Variants in KMT2D observed in about 807,000 individuals in gnomAD.
KMT2D encodes the protein histone-lysine N-methyltransferase 2D.
A neutral mutation model predicts 512.7 loss-of-function variants in KMT2D; 55 were observed. The ratio of observed to expected loss-of-function variants is 0.11; its 90% confidence interval spans 0.09 to 0.13. The LOEUF (loss-of-function observed/expected upper bound fraction) is 0.13, where lower values mean the gene tolerates loss of function less well. Ranked by LOEUF, KMT2D falls within the 10% of genes least tolerant of loss-of-function variation. KMT2D has a pLI of 1.00. For synonymous variants in KMT2D, 2,995 were observed against 2,904.0 expected (o/e 1.03, Z -1.01); for missense variants, 6,061 against 7,127.9 (o/e 0.85, Z 5.39).
Position 49,019,028 on chromosome 12 carries a change from A to C in KMT2D, c.*2752T>G, listed in dbSNP as rs1359227795. ...GTCGTTTAAAAACAAACTTGGAAGA[A>C]GCAAAATCCAAAACTTGCCCTTTGC... On this transcript the variant is annotated 3_prime_UTR_variant, in exon 55 of 55. Coordinates refer to ENST00000301067, the MANE Select transcript of KMT2D (RefSeq NM_003482.4). 7.2e-7 allele frequency: 1 copy of C among 1,384,134 alleles called. No homozygotes were observed. 85.7% of individuals were successfully genotyped at this position (1,384,134 alleles called of 1,614,324 possible).
Position 49,030,443 on chromosome 12 carries a change from A to T in KMT2D, c.13840-4T>A. The T allele has an allele frequency of 2.2e-6, 1 of 451,614 alleles. No homozygotes were observed. The highest frequency in any genetic ancestry group is 3.1e-6 in the Non-Finnish European group (1 of 326,336). 28.0% of individuals were successfully genotyped at this position (451,614 alleles called of 1,614,324 possible). ...TCGGCGGGTTACTCAGGTTATTCTG[A>T]GGGGTGGGGGGTGGGGTGTTGTGTG... On this transcript the variant is annotated splice_region_variant and splice_polypyrimidine_tract_variant and intron_variant, in intron 42 of 54. Coordinates refer to ENST00000301067, the MANE Select transcript of KMT2D (RefSeq NM_003482.4).
intron 1 of KMT2D, among the ~76,000 whole-genome samples, chr12:49,058,753 G>A (rs971447202): frequency 1.3e-5 from 2 of 152,332 alleles, no homozygotes; most frequent in South Asian, 4.1e-4. Flanking sequence ...AGGTCTGGGA[G>A]GGGCTTGCAG....
rs1309007348 is a variant in KMT2D at position 49,026,800 on chromosome 12, G to A, written c.15166C>T (p.Leu5056=). ...PARLLNLDLD[L]WVHLNCALWS... Reference sequence around the variant, plus strand: ...AGGGCACAGTTGAGGTGCACCCACAGGTCCAGGTCCAGGTTCAGCAGACGG... The same window carrying A: ...AGGGCACAGTTGAGGTGCACCCACAAGTCCAGGTCCAGGTTCAGCAGACGG... The change falls in exon 49 of 55, where the codon CTG becomes TTG. Residue 5056 remains leucine (L), a synonymous_variant. Coordinates refer to ENST00000301067, the MANE Select transcript of KMT2D (RefSeq NM_003482.4). The surrounding 1 kb of genome is among the most constrained non-coding windows in gnomAD (Gnocchi z 9.6). The A allele has an allele frequency of 4.3e-6, 7 of 1,612,614 alleles. No individual in the cohort carries two copies. The highest frequency in any genetic ancestry group is 5.9e-6 in the Non-Finnish European group (7 of 1,178,702).
rs755065726 is a variant in KMT2D, at chr12:49,029,215, G to A, written c.14097C>T (p.Ser4699=). 36 of 1,613,424 alleles carry A rather than the reference G, an allele frequency of 2.2e-5. No homozygotes were observed. Among genetic ancestry groups the A allele is most frequent in the African/African-American group, 4.0e-5 (3 of 74,916 alleles). ...CTGGCACAATGCTGTCAGGAGAATC[G>A]CTATCCTCATCACTCTCCATCCTGG... ...EDVRMESDED[S]DSPDSIVPAS... Residue 4699 remains serine, a synonymous_variant, in exon 45 of 55, where the codon AGC becomes AGT. Coordinates refer to ENST00000301067, the MANE Select transcript of KMT2D (RefSeq NM_003482.4).
chr12:49,049,698 C>T lies in KMT2D; in HGVS notation c.3890G>A (p.Arg1297His), dbSNP rs781156556. ...EKGRRRSSPA[R>H]SRIKQGRSSS... is the part of the protein sequence containing the mutation. ...GCCCCTCACCTGTTTGATGCGGGAA[C>T]GGGCTGGGGAGCTGCGCCGCCGCCC... The change falls in exon 12 of 55, where the codon CGT becomes CAT. Residue 1297 changes from arginine (R) to histidine (H), a missense_variant. Coordinates refer to ENST00000301067, the MANE Select transcript of KMT2D (RefSeq NM_003482.4). 6 of 1,586,654 alleles carry T rather than the reference C, an allele frequency of 3.8e-6. No homozygotes were observed. The highest frequency in any genetic ancestry group is 3.4e-5 in the Admixed American group (2 of 58,312).
Position 49,041,345 on chromosome 12 carries a change from A to G in KMT2D, c.6425T>C (p.Phe2142Ser), listed in dbSNP as rs755828333. Residue 2142 changes from phenylalanine to serine, a missense_variant, in exon 32 of 55, where the codon TTC becomes TCC. By Grantham distance (155) the Phe-to-Ser change is radical. Transcript: ENST00000301067. This position sits in a 1 kb window ranked among gnomAD's most constrained non-coding sequence, Gnocchi z 5.4. ...PAGLSTSADGFLKPPAGSVPG... is the reference protein window; with the variant it reads ...PAGLSTSADGSLKPPAGSVPG... ...CACCGAGCCCGCCGGCGGCTTCAGG[A>G]ACCCGTCCGCAGAGGTAGACAAGCC... is the stretch of plus-strand genomic sequence containing the variant. 11 of 1,553,510 alleles carry G rather than the reference A, an allele frequency of 7.1e-6. No individual in the cohort carries two copies. In the Admixed American group the frequency reaches 2.1e-4, roughly 30 times the overall value.
rs892898074 is a variant in KMT2D, at chr12:49,032,099, T to C, written c.12606A>G (p.Gln4202=). 2.5e-6 allele frequency: 4 copies of C among 1,613,872 alleles called. No individual in the cohort carries two copies. Among genetic ancestry groups the C allele is most frequent in the Admixed American group, 3.3e-5 (2 of 60,032 alleles). Residue 4202 remains glutamine, a synonymous_variant, in exon 40 of 55, where the codon CAA becomes CAG. Transcript: ENST00000301067. ...GCTGTGGGTTTTTGGCCAGGACTCC[T>C]TGGAGCTGTGCTCGAAGCTGACCCA... ...PTVGQLRAQL[Q]GVLAKNPQLR... is the part of the protein sequence containing the mutation.
rs759127427 is a variant in KMT2D, at chr12:49,052,063, A to G, written c.1620T>C (p.Pro540=). 1.9e-5 allele frequency: 31 copies of G among 1,612,852 alleles called. No individual in the cohort carries two copies. In the South Asian group the frequency reaches 3.1e-4, roughly 16 times the overall value. Residue 540 remains proline (P), a synonymous_variant, in exon 11 of 55, where the codon CCT becomes CCC. Coordinates refer to ENST00000301067, the MANE Select transcript of KMT2D (RefSeq NM_003482.4). ...ATGGTGGGGACAGGGGCGATGCTTC[A>G]GGTGGTGGGGATAGAGGCGTCTCAA... The part of the protein sequence containing the change: ...PALETPLSPP[P]EASPLSPPFE...
chr12:49,027,122 T>G lies in KMT2D; in HGVS notation c.14844A>C (p.Ser4948=), dbSNP rs763631585. The G allele has an allele frequency of 6.3e-7, 1 of 1,576,906 alleles. No homozygotes were observed. The change falls in exon 49 of 55, where the codon TCA becomes TCC. Residue 4948 remains serine, a synonymous_variant. Transcript: ENST00000301067. Reference sequence around the variant, plus strand: ...CAGGGGATGAGGCCAGTGGCAGAGGTGAGGGGACGGGTGGCTCAGCCAAGG... The same window carrying G: ...CAGGGGATGAGGCCAGTGGCAGAGGGGAGGGGACGGGTGGCTCAGCCAAGG... ...TEPLAEPPVP[S]PLPLASSPES...
chr12:49,048,864 T>C (rs1769767829), intron 13 of KMT2D, 95 bp from the exon 14 acceptor site: 2 of 867,236 alleles, frequency 2.3e-6, no homozygotes, highest in Non-Finnish European at 3.7e-6. Context: ...GTGTGAACCC[T>C]TGGTTAAGAT....
In KMT2D at chr12:49,020,348, C is replaced by G. The variant is rs552183789; in HGVS notation, c.*1432G>C. On this transcript the variant is annotated 3_prime_UTR_variant, in exon 55 of 55. Transcript: ENST00000301067. ...GGTCGGGTAATGGAGGGGGCCCCCC[C>G]ACAAGGGGAGCTCCATGTGTCCGCC... The G allele has an allele frequency of 5.7e-6, 1 of 176,960 alleles. No individual in the cohort carries two copies. The allele number at this position is 176,960 out of a possible 1,614,324, so 11.0% of individuals were successfully genotyped here.
At chr12:49,023,088 C>T (rs1371818766) in intron 51 of KMT2D, among the ~76,000 whole-genome samples, 1 of 152,060 alleles carries the variant, frequency 6.6e-6, no homozygotes, top group Non-Finnish European at 1.5e-5. Flanking sequence ...CTTCTGACAC[C>T]CTGGGTGGCA....
At position 49,042,966 on chromosome 12, in the gene KMT2D, C is replaced by G; in HGVS notation, c.5645-88G>C. 1.9e-6 allele frequency: 3 copies of G among 1,574,278 alleles called. No homozygotes were observed. The highest frequency in any genetic ancestry group is 2.6e-6 in the Non-Finnish European group (3 of 1,146,786). On this transcript the variant is annotated intron_variant, in intron 26 of 54. Coordinates refer to ENST00000301067, the MANE Select transcript of KMT2D (RefSeq NM_003482.4). This position sits in a 1 kb window ranked among gnomAD's most constrained non-coding sequence, Gnocchi z 4.4. Reference sequence around the variant, plus strand: ...ACAAATGATCATGGCCAGGAACAGTCCAGGACTCCCCACCAGAGAAGCTGT... The same window carrying G: ...ACAAATGATCATGGCCAGGAACAGTGCAGGACTCCCCACCAGAGAAGCTGT...
Position 49,032,005 on chromosome 12 carries a change from T to TCTG in KMT2D, c.12697_12699dup (p.Gln4233dup). The TCTG allele has an allele frequency of 6.2e-7, 1 of 1,604,922 alleles. No homozygotes were observed. Among genetic ancestry groups the TCTG allele is most frequent in the Non-Finnish European group, 8.5e-7 (1 of 1,174,396 alleles). On this transcript the variant is annotated inframe_insertion, in exon 40 of 55. Transcript: ENST00000301067. ...GGTGGGGTCTGGCGTACTGCCTGACTCTGCTGCAGCTGCCGCTGCATGAGG... is the reference window on the plus strand; with the variant it reads ...GGTGGGGTCTGGCGTACTGCCTGACTCTGCTGCTGCAGCTGCCGCTGCATGAGG...
chr12:49,050,601 A>G lies in KMT2D; in HGVS notation c.2987T>C (p.Val996Ala), dbSNP rs1937905731. 4 of 1,607,720 alleles carry G rather than the reference A, an allele frequency of 2.5e-6. No individual in the cohort carries two copies. In the African/African-American group the frequency reaches 4.0e-5, roughly 16 times the overall value. The change falls in exon 12 of 55, where the codon GTC becomes GCC. Residue 996 changes from valine (V) to alanine (A), a missense_variant. Val to Ala is a moderately conservative substitution (Grantham distance 64). Coordinates refer to ENST00000301067, the MANE Select transcript of KMT2D (RefSeq NM_003482.4). The part of the protein sequence containing the change: ...PEANCTDPEP[V>A]PPMILPPSPG... ...AGATGGGGGAAGGATCATAGGGGGG[A>G]CAGGCTCAGGGTCAGTGCAGTTAGC...
rs2120647566 is a variant in KMT2D at position 49,050,234 on chromosome 12, T to C, written c.3354A>G (p.Leu1118=). The C allele has an allele frequency of 6.2e-7, 1 of 1,613,424 alleles. No homozygotes were observed. Among genetic ancestry groups the C allele is most frequent in the Non-Finnish European group, 8.5e-7 (1 of 1,179,684 alleles). Residue 1118 remains leucine, a synonymous_variant, in exon 12 of 55, where the codon CTA becomes CTG. Transcript: ENST00000301067. The part of the protein sequence containing the change: ...PAPALDDFSG[L]GEDTAPLDGI... ...CATCCAGAGGGGCTGTGTCTTCCCC[T>C]AGGCCAGAGAAGTCATCCAGGGCTG...
chr12:49,041,232 C>T lies in KMT2D; in HGVS notation c.6538G>A (p.Ala2180Thr), dbSNP rs773405409. Reference protein sequence around the residue: ...QVPSQDPFGLAPAYPLEPRFP... With the variant: ...QVPSQDPFGLTPAYPLEPRFP... ...CGGGGCTCCAGGGGATAGGCAGGGGCCAGTCCAAAGGGGTCCTGCGAAGGC... is the reference window on the plus strand; with the variant it reads ...CGGGGCTCCAGGGGATAGGCAGGGGTCAGTCCAAAGGGGTCCTGCGAAGGC... Residue 2180 changes from alanine (A) to threonine (T), a missense_variant, in exon 32 of 55, where the codon GCC becomes ACC. By Grantham distance (58) the Ala-to-Thr change is moderately conservative. Around this residue, in one of 16 missense-constraint regions of KMT2D, gnomAD observed 710 missense variants for 647.3 expected, o/e 1.10. Coordinates refer to ENST00000301067, the MANE Select transcript of KMT2D (RefSeq NM_003482.4). This position sits in a 1 kb window ranked among gnomAD's most constrained non-coding sequence, Gnocchi z 5.4. The T allele has an allele frequency of 2.0e-6, 3 of 1,513,602 alleles. No individual in the cohort carries two copies. Among genetic ancestry groups the T allele is most frequent in the Admixed American group, 2.3e-5 (1 of 42,944 alleles). The allele number at this position is 1,513,602 out of a possible 1,614,324, so 93.8% of individuals were successfully genotyped here. A position where few individuals can be genotyped will look rare whatever the true frequency, so the allele number is the denominator to read the frequency against.
rs1338989574 is a variant in KMT2D at position 49,053,588 on chromosome 12, A to C, written c.727T>G (p.Phe243Val). The change falls in exon 7 of 55, where the codon TTC (phenylalanine) becomes GTC (valine). Residue 243 changes from phenylalanine (F) to valine (V), a missense_variant. By Grantham distance (50) the Phe-to-Val change is conservative. Around this residue, in one of 16 missense-constraint regions of KMT2D, gnomAD observed 160 missense variants for 225.8 expected, o/e 0.71. Transcript: ENST00000301067. ...TAGTGATGCCCACAGCTGGTACAGA[A>C]GAACAGGTCACACAACTCCCCTGGC... ...EGPGELCDLFFCTSCGHHYHG... is the reference protein window; with the variant it reads ...EGPGELCDLFVCTSCGHHYHG... The C allele has an allele frequency of 6.3e-7, 1 of 1,598,446 alleles. No homozygotes were observed. Among genetic ancestry groups the C allele is most frequent in the African/African-American group, 1.3e-5 (1 of 74,504 alleles).
rs1210426465 is a variant in KMT2D, at chr12:49,044,455, G to C, written c.5031C>G (p.Gly1677=). The change falls in exon 21 of 55, where the codon GGC becomes GGG. Residue 1677 remains glycine (G), a synonymous_variant. Coordinates refer to ENST00000301067, the MANE Select transcript of KMT2D (RefSeq NM_003482.4). This position sits in a 1 kb window ranked among gnomAD's most constrained non-coding sequence, Gnocchi z 6.4. The part of the protein sequence containing the change: ...EGPVSPDVEP[G]KEETEESKKR... ...TTTTGCTTTCCTCGGTCTCCTCTTT[G>C]CCAGGCTCCACATCAGGGCTGACGG... The C allele has an allele frequency of 1.2e-6, 2 of 1,613,696 alleles. No homozygotes were observed. Among genetic ancestry groups the C allele is most frequent in the South Asian group, 1.1e-5 (1 of 91,070 alleles).
Sources: gnomAD v4.1 joint callset for allele counts (sites outside exome capture counted in the v4.1 genomes callset) on GRCh38, gnomAD v4.1.1 for gene constraint, gnomAD v4.1.1 regional missense constraint, Gnocchi (gnomAD v3.1) non-coding constraint, MANE v1.5 for transcripts, NCBI Gene and HGNC (gene_info 2026-07-23, HGNC 2026-07-21) for gene names.